Variants in TIGD1 observed in about 807,000 individuals in gnomAD.
TIGD1 encodes the protein tigger transposable element derived 1, also known as tigger transposable element-derived protein 1.
TIGD1 carries 20 observed loss-of-function variants against 21.3 expected under a neutral mutation model. The ratio of observed to expected loss-of-function variants is 0.94; its 90% CI spans 0.66 to 1.36. TIGD1 has a LOEUF of 1.36. Among genes scored for constraint, TIGD1 ranks in the 40% most tolerant of loss-of-function variants. TIGD1 has a pLI of 0.00. For synonymous variants in TIGD1, 177 were observed against 123.2 expected, an observed-to-expected ratio of 1.44 and a Z score of -2.89; for missense variants, 556 against 350.5, an observed-to-expected ratio of 1.59 and a Z score of -4.68.
rs1692111831 is a variant in TIGD1, at chr2:232,545,508, C to T, written c.*2599G>A. On this transcript the variant is annotated 3_prime_UTR_variant, in exon 1 of 1. Coordinates refer to ENST00000408957, the MANE Select transcript of TIGD1 (RefSeq NM_145702.4). ...AGGACCCAGGGAAGACCTGGTGCCG[C>T]CGCTGGTTATCCCACACCTGCCTCC... 2.5e-6 allele frequency: 4 copies of T among 1,601,228 alleles called. No homozygotes were observed. Among genetic ancestry groups the T allele is most frequent in the Non-Finnish European group, 3.4e-6 (4 of 1,172,976 alleles).
At position 232,549,900 on chromosome 2, in the gene TIGD1, G is replaced by A; in HGVS notation, c.-18C>T. On this transcript the variant is annotated 5_prime_UTR_variant, in exon 1 of 1. Transcript: ENST00000408957. ...GAGGCCATTGCAGAGTCATTAATTC[G>A]CCTAATCTCAATATTGTTGTGTCTC... 3.1e-6 allele frequency: 4 copies of A among 1,298,214 alleles called. No individual in the cohort carries two copies. Among genetic ancestry groups the A allele is most frequent in the Admixed American group, 2.5e-5 (1 of 39,282 alleles). 80.4% of individuals were successfully genotyped at this position (1,298,214 alleles called of 1,614,324 possible).
In TIGD1 at chr2:232,550,259, G is replaced by A; in HGVS notation, c.-377C>T. On this transcript the variant is annotated 5_prime_UTR_variant, in exon 1 of 1. Transcript: ENST00000408957. ...TTTGTTTTCAGAATGCCCTATCTGC[G>A]AAGCGTAATAAAACGAGGTATGCCA... 1 of 289,872 alleles carries A rather than the reference G, an allele frequency of 3.4e-6. No individual in the cohort carries two copies. 18.0% of individuals were successfully genotyped at this position (289,872 alleles called of 1,614,324 possible). A position where few individuals can be genotyped will look rare whatever the true frequency, so the allele number is the denominator to read the frequency against.
chr2:232,545,650 C>T lies in TIGD1; in HGVS notation c.*2457G>A, dbSNP rs1438846182. The stretch of plus-strand genomic sequence containing the variant: ...CAGCTGGCATCTTCCTCATGGCCCA[C>T]TACAACCGGGTGCCGGCCCTGCCAT... On this transcript the variant is annotated 3_prime_UTR_variant, in exon 1 of 1. Coordinates refer to ENST00000408957, the MANE Select transcript of TIGD1 (RefSeq NM_145702.4). 4 of 1,614,088 alleles carry T rather than the reference C, an allele frequency of 2.5e-6. No individual in the cohort carries two copies. The highest frequency in any genetic ancestry group is 2.7e-5 in the African/African-American group (2 of 74,946).
Position 232,545,625 on chromosome 2 carries a change from C to G in TIGD1, c.*2482G>C, listed in dbSNP as rs1356022598. 6.2e-7 allele frequency: 1 copy of G among 1,614,176 alleles called. No homozygotes were observed. On this transcript the variant is annotated 3_prime_UTR_variant, in exon 1 of 1. Transcript: ENST00000408957. Reference sequence around the variant, plus strand: ...ATGCTCTCGCTCTTCATCTGTGGCACAGCTGGCATCTTCCTCATGGCCCAC... The same window carrying G: ...ATGCTCTCGCTCTTCATCTGTGGCAGAGCTGGCATCTTCCTCATGGCCCAC...
In TIGD1 at chr2:232,545,842, C is replaced by CT; in HGVS notation, c.*2264_*2265insA. 1 of 1,082,838 alleles carries CT rather than the reference C, an allele frequency of 9.2e-7. No individual in the cohort carries two copies. Among genetic ancestry groups the CT allele is most frequent in the Non-Finnish European group, 1.4e-6 (1 of 719,542 alleles). 67.1% of individuals were successfully genotyped at this position (1,082,838 alleles called of 1,614,324 possible). A position where few individuals can be genotyped will look rare whatever the true frequency, so the allele number is the denominator to read the frequency against. On this transcript the variant is annotated 3_prime_UTR_variant, in exon 1 of 1. Coordinates refer to ENST00000408957, the MANE Select transcript of TIGD1 (RefSeq NM_145702.4). ...GAAGTGCCCTTCAGGACTGTGTGAG[C>CT]CAAACAGCCCTGAGAAAAGCTGGGG...
chr2:232,549,912 T>G lies in TIGD1; in HGVS notation c.-30A>C. The G allele has an allele frequency of 8.2e-7, 1 of 1,216,040 alleles. No individual in the cohort carries two copies. Among genetic ancestry groups the G allele is most frequent in the Non-Finnish European group, 1.1e-6 (1 of 879,326 alleles). The allele number at this position is 1,216,040 out of a possible 1,614,324, so 75.3% of individuals were successfully genotyped here. On this transcript the variant is annotated 5_prime_UTR_variant, in exon 1 of 1. Transcript: ENST00000408957. ...GAGTCATTAATTCGCCTAATCTCAA[T>G]ATTGTTGTGTCTCAGGGAATAGGGA...
chr2:232,545,461 C>A lies in TIGD1; in HGVS notation c.*2646G>T. On this transcript the variant is annotated 3_prime_UTR_variant, in exon 1 of 1. Coordinates refer to ENST00000408957, the MANE Select transcript of TIGD1 (RefSeq NM_145702.4). ...CCCAGGAAATGGAGACATGGGCCTGCTGGAAGCCCAAGGATGAGAACAGGA... is the reference window on the plus strand; with the variant it reads ...CCCAGGAAATGGAGACATGGGCCTGATGGAAGCCCAAGGATGAGAACAGGA... 1.6e-6 allele frequency: 2 copies of A among 1,287,932 alleles called. No individual in the cohort carries two copies. The highest frequency in any genetic ancestry group is 2.2e-6 in the Non-Finnish European group (2 of 913,622). 79.8% of individuals were successfully genotyped at this position (1,287,932 alleles called of 1,614,324 possible). A position where few individuals can be genotyped will look rare whatever the true frequency, so the allele number is the denominator to read the frequency against.
chr2:232,549,449 A>C lies in TIGD1; in HGVS notation c.434T>G (p.Phe145Cys), dbSNP rs1692222252. ...WFMRFKERSH[F>C]HNIKAQGEAA... ...TTCACCTTGTGCTTTTATGTTATGG[A>C]AATGGCTTCTTTCCTTAAACCTCAT... Residue 145 changes from phenylalanine to cysteine, a missense_variant, in exon 1 of 1, where the codon TTC (phenylalanine) becomes TGC (cysteine). Transcript: ENST00000408957. The C allele has an allele frequency of 6.0e-6, 4 of 662,950 alleles. No homozygotes were observed. In the East Asian group the frequency reaches 1.1e-4, roughly 18 times the overall value. The allele number at this position is 662,950 out of a possible 1,614,324, so 41.1% of individuals were successfully genotyped here. A position where few individuals can be genotyped will look rare whatever the true frequency, so the allele number is the denominator to read the frequency against.
At position 232,544,356 on chromosome 2, in the gene TIGD1, C is replaced by T; in HGVS notation, c.*3751G>A. 1 of 1,606,766 alleles carries T rather than the reference C, an allele frequency of 6.2e-7. No individual in the cohort carries two copies. On this transcript the variant is annotated 3_prime_UTR_variant, in exon 1 of 1. Transcript: ENST00000408957. Reference sequence around the variant, plus strand: ...CGGCCTGCTGCCCTAGTGAAGCCACCCCCTCTCTAGGTGTTCCTGAGGCTC... The same window carrying T: ...CGGCCTGCTGCCCTAGTGAAGCCACTCCCTCTCTAGGTGTTCCTGAGGCTC...
rs891361720 is a variant in TIGD1 at position 232,545,162 on chromosome 2, C to G, written c.*2945G>C. Among the ~76,000 whole-genome samples the G allele has an allele frequency of 2.6e-5, 4 of 152,036 alleles. No individual in the cohort carries two copies. Among genetic ancestry groups the G allele is most frequent in the African/African-American group, 9.7e-5 (4 of 41,398 alleles). On this transcript the variant is annotated 3_prime_UTR_variant, in exon 1 of 1. Coordinates refer to ENST00000408957, the MANE Select transcript of TIGD1 (RefSeq NM_145702.4). ...AAATACCAAAAATACCAAAAATTAGCTGGGTGTGGTGGCGGGCACCTGTAT... is the reference window on the plus strand; with the variant it reads ...AAATACCAAAAATACCAAAAATTAGGTGGGTGTGGTGGCGGGCACCTGTAT...
At position 232,546,698 on chromosome 2, in the gene TIGD1, T is replaced by C. The variant is rs1476540527; in HGVS notation, c.*1409A>G. 2.0e-5 allele frequency among the ~76,000 whole-genome samples: 3 copies of C among 152,102 alleles called. No homozygotes were observed. Among genetic ancestry groups the C allele is most frequent in the Non-Finnish European group, 4.4e-5 (3 of 68,014 alleles). ...TAAGCAAGAGTCATTATTCCCCATG[T>C]TATATAGGCAAATTGAGCCTAGAGT... On this transcript the variant is annotated 3_prime_UTR_variant, in exon 1 of 1. Coordinates refer to ENST00000408957, the MANE Select transcript of TIGD1 (RefSeq NM_145702.4).
At position 232,546,693 on chromosome 2, in the gene TIGD1, C is replaced by A. The variant is rs116247414; in HGVS notation, c.*1414G>T. Among the ~76,000 whole-genome samples, 6 of 152,186 alleles carry A rather than the reference C, an allele frequency of 3.9e-5. 1 individual carries two copies. Among genetic ancestry groups the A allele is most frequent in the Middle Eastern group, 6.8e-3 (2 of 294 alleles). On this transcript the variant is annotated 3_prime_UTR_variant, in exon 1 of 1. Transcript: ENST00000408957. The stretch of plus-strand genomic sequence containing the variant: ...ATGGATAAGCAAGAGTCATTATTCC[C>A]CATGTTATATAGGCAAATTGAGCCT...
In TIGD1 at chr2:232,544,561, G is replaced by A. The variant is rs144948513; in HGVS notation, c.*3546C>T. 4.6e-5 allele frequency: 75 copies of A among 1,613,254 alleles called. No individual in the cohort carries two copies. In the East Asian group the frequency reaches 7.4e-4, roughly 16 times the overall value. ...AGTGGCAGCGGCAAGGGCTGGTGGCGGCAGCGCTGGAGAAGCTAGGTGAGA... is the reference window on the plus strand; with the variant it reads ...AGTGGCAGCGGCAAGGGCTGGTGGCAGCAGCGCTGGAGAAGCTAGGTGAGA... On this transcript the variant is annotated 3_prime_UTR_variant, in exon 1 of 1. Coordinates refer to ENST00000408957, the MANE Select transcript of TIGD1 (RefSeq NM_145702.4).
At position 232,546,979 on chromosome 2, in the gene TIGD1, C is replaced by T. The variant is rs1369923313; in HGVS notation, c.*1128G>A. On this transcript the variant is annotated 3_prime_UTR_variant, in exon 1 of 1. Coordinates refer to ENST00000408957, the MANE Select transcript of TIGD1 (RefSeq NM_145702.4). The stretch of plus-strand genomic sequence containing the variant: ...ATCAGGTAGTAAGGCTGGGGTCTTC[C>T]TGGGGGAGAGGCAAGGTCCTGCTCT... Among the ~76,000 whole-genome samples, 1 of 144,978 alleles carries T rather than the reference C, an allele frequency of 6.9e-6. No individual in the cohort carries two copies. The highest frequency in any genetic ancestry group is 1.5e-5 in the Non-Finnish European group (1 of 65,486).
Position 232,547,091 on chromosome 2 carries a change from T to C in TIGD1, c.*1016A>G, listed in dbSNP as rs1488145173. Among the ~76,000 whole-genome samples, 2 of 152,074 alleles carry C rather than the reference T, an allele frequency of 1.3e-5. No homozygotes were observed. Among genetic ancestry groups the C allele is most frequent in the Non-Finnish European group, 1.5e-5 (1 of 67,994 alleles). ...TATGCTCCCTGAGGCTGTTCCCTCA[T>C]CTGTAAATAAGGTGCAAAAAATAAT... On this transcript the variant is annotated 3_prime_UTR_variant, in exon 1 of 1. Transcript: ENST00000408957.
rs772361565 is a variant in TIGD1, at chr2:232,547,668, G to A, written c.*439C>T. Among the ~76,000 whole-genome samples, 5 of 152,216 alleles carry A rather than the reference G, an allele frequency of 3.3e-5. No homozygotes were observed. Among genetic ancestry groups the A allele is most frequent in the Non-Finnish European group, 2.9e-5 (2 of 68,038 alleles). On this transcript the variant is annotated 3_prime_UTR_variant, in exon 1 of 1. Coordinates refer to ENST00000408957, the MANE Select transcript of TIGD1 (RefSeq NM_145702.4). ...GCTATAGAGAACTAGAGGAGTTAGG[G>A]AGAGTGGGGGAGAACTTCAATCAGG...
At position 232,549,241 on chromosome 2, in the gene TIGD1, A is replaced by C. The variant is rs372357736; in HGVS notation, c.642T>G (p.Ala214=). ...ACAAGAGAGTCAGCCTGTCCTTTGA[A>C]GCTTTGAAGCCAGGCACTGACTTCT... The part of the protein sequence containing the change: ...REEKSVPGFK[A]SKDRLTLLLG... The change falls in exon 1 of 1, where the codon GCT becomes GCG. Residue 214 remains alanine (A), a synonymous_variant. Transcript: ENST00000408957. 9.0e-6 allele frequency: 6 copies of C among 668,370 alleles called. No homozygotes were observed. Among genetic ancestry groups the C allele is most frequent in the African/African-American group, 1.8e-5 (1 of 56,520 alleles). The allele number at this position is 668,370 out of a possible 1,614,324, so 41.4% of individuals were successfully genotyped here. A position where few individuals can be genotyped will look rare whatever the true frequency, so the allele number is the denominator to read the frequency against.
In TIGD1 at chr2:232,550,290, C is replaced by G. The variant is rs1034261462; in HGVS notation, c.-408G>C. ...TAATAAAACGAGGTATGCCATAGTACAGTGGCGCCGCGACCGACAAAGGAA... is the reference window on the plus strand; with the variant it reads ...TAATAAAACGAGGTATGCCATAGTAGAGTGGCGCCGCGACCGACAAAGGAA... On this transcript the variant is annotated 5_prime_UTR_variant, in exon 1 of 1. Transcript: ENST00000408957. 27 of 326,790 alleles carry G rather than the reference C, an allele frequency of 8.3e-5. No homozygotes were observed. The highest frequency in any genetic ancestry group is 1.2e-5 in the Non-Finnish European group (2 of 169,302). 20.2% of individuals were successfully genotyped at this position (326,790 alleles called of 1,614,324 possible). A position where few individuals can be genotyped will look rare whatever the true frequency, so the allele number is the denominator to read the frequency against.
In TIGD1 at chr2:232,544,974, G is replaced by A; in HGVS notation, c.*3133C>T. ...TGGAACCGTGATAGAGACAGGATGA[G>A]TGGGGTTGCCAAGATAGGGCAGTGG... On this transcript the variant is annotated 3_prime_UTR_variant, in exon 1 of 1. Transcript: ENST00000408957. 3.1e-6 allele frequency: 5 copies of A among 1,600,166 alleles called. No individual in the cohort carries two copies. Among genetic ancestry groups the A allele is most frequent in the East Asian group, 2.2e-5 (1 of 44,672 alleles).
Sources: allele counts gnomAD v4.1 joint callset (sites outside exome capture counted in the v4.1 genomes callset), GRCh38; gene constraint gnomAD v4.1.1; transcripts MANE v1.5; gene names NCBI Gene and HGNC (gene_info 2026-07-23, HGNC 2026-07-21).